DIS3: variants seen among roughly 807,000 people sequenced by gnomAD.
The protein encoded by DIS3 is DIS3 exosome endoribonuclease and 3'-5' exoribonuclease, also known as exosome complex exonuclease RRP44.
DIS3 carries 103 observed loss-of-function variants against 113.0 expected under a neutral mutation model. The observed-to-expected ratio is 0.91, with a 90% CI of 0.78 to 1.07. DIS3 has a LOEUF of 1.07. DIS3 is among the 50% of genes least tolerant of loss of function. DIS3 has a pLI of 0.00. For synonymous variants in DIS3, 402 were observed against 394.3 expected, an observed-to-expected ratio of 1.02 and a Z score of -0.23; for missense variants, 1,121 against 1,167.1, an observed-to-expected ratio of 0.96 and a Z score of 0.58.
rs540620528 is a variant in DIS3 at position 72,755,835 on chromosome 13, A to T, written c.*3960T>A. On this transcript the variant is annotated 3_prime_UTR_variant, in exon 21 of 21. Coordinates refer to ENST00000377767, the MANE Select transcript of DIS3 (RefSeq NM_014953.5). Reference sequence around the variant, plus strand: ...TAGTACTAGTGACATCATCACGTGTATTGTTATCTATGGGGCAAATGTGTG... The same window carrying T: ...TAGTACTAGTGACATCATCACGTGTTTTGTTATCTATGGGGCAAATGTGTG... 1.5e-5 allele frequency: 6 copies of T among 398,480 alleles called. No individual in the cohort carries two copies. In the South Asian group the frequency reaches 3.8e-4, roughly 25 times the overall value. The allele number at this position is 398,480 out of a possible 1,614,324, so 24.7% of individuals were successfully genotyped here. A position where few individuals can be genotyped will look rare whatever the true frequency, so the allele number is the denominator to read the frequency against.
rs1337060003 is a variant in DIS3 at position 72,759,850 on chromosome 13, G to C, written c.2822C>G (p.Thr941Ser). Residue 941 changes from threonine (T) to serine (S), a missense_variant, in exon 21 of 21, where the codon ACT becomes AGT. Coordinates refer to ENST00000377767, the MANE Select transcript of DIS3 (RefSeq NM_014953.5). ...QIPGISIPTD[T>S]SNMDLNGPKK... Reference sequence around the variant, plus strand: ...TGGTCCATTAAGGTCCATGTTTGAAGTATCAGTAGGAATGCTTATTCCTGG... The same window carrying C: ...TGGTCCATTAAGGTCCATGTTTGAACTATCAGTAGGAATGCTTATTCCTGG... The C allele has an allele frequency of 1.2e-6, 2 of 1,613,140 alleles. No individual in the cohort carries two copies. The highest frequency in any genetic ancestry group is 1.3e-5 in the African/African-American group (1 of 74,844).
At chr13:72,774,857 T>TCTAAAACATTTC (rs2033970539) in intron 6 of DIS3, among the ~76,000 whole-genome samples, 2 of 152,158 alleles carry the variant, frequency 1.3e-5, no homozygotes, top group Admixed American at 1.3e-4. Context: ...TAAAGCATTT[T>TCTAAAACATTTC]CTAAAACATT....
intron 20 of DIS3, 112 bp downstream of exon 20, chr13:72,760,417 C>A: frequency 1.5e-6 from 2 of 1,342,510 alleles, no homozygotes; most frequent in Non-Finnish European, 2.1e-6. Flanking sequence ...TTGGTTTCTA[C>A]ACTACTTACA....
chr13:72,753,822 G>C lies in DIS3; in HGVS notation c.*5973C>G, dbSNP rs745444058. 34 of 1,610,478 alleles carry C rather than the reference G, an allele frequency of 2.1e-5. No homozygotes were observed. The highest frequency in any genetic ancestry group is 2.5e-5 in the Non-Finnish European group (30 of 1,177,756). On this transcript the variant is annotated 3_prime_UTR_variant, in exon 21 of 21. Coordinates refer to ENST00000377767, the MANE Select transcript of DIS3 (RefSeq NM_014953.5). ...TAAATCTCAAGCATTTAATATGAAGGTACGGAGAAAATATAGTGAAAGCTT... is the reference window on the plus strand; with the variant it reads ...TAAATCTCAAGCATTTAATATGAAGCTACGGAGAAAATATAGTGAAAGCTT...
At chr13:72,776,122 C>T (rs769813788) in intron 4 of DIS3, 30 bp from the exon 5 acceptor site, 5 of 1,567,570 alleles carry the variant, frequency 3.2e-6, no homozygotes, top group Non-Finnish European at 4.3e-6. Flanking sequence ...AAAGATGCCG[C>T]TAATAAGTCT....
At position 72,762,048 on chromosome 13, in the gene DIS3, C is replaced by T. The variant is rs150519869; in HGVS notation, c.2217G>A (p.Leu739=). Residue 739 remains leucine, a synonymous_variant, in exon 17 of 21, where the codon CTG becomes CTA. Transcript: ENST00000377767. The part of the protein sequence containing the change: ...ESPTFPYLNT[L]LRILATRCMM... ...TACAGCGAGTGGCTAATATTCTCAA[C>T]AGAGTGTTTAGATATGGAAAAGTAG... The T allele has an allele frequency of 2.2e-5, 36 of 1,613,994 alleles. No individual in the cohort carries two copies. The highest frequency in any genetic ancestry group is 2.1e-5 in the Non-Finnish European group (25 of 1,180,038).
In DIS3 at chr13:72,763,483, A is replaced by G; in HGVS notation, c.2095T>C (p.Tyr699His). 1 of 1,613,270 alleles carries G rather than the reference A, an allele frequency of 6.2e-7. No individual in the cohort carries two copies. The highest frequency in any genetic ancestry group is 1.7e-4 in the Middle Eastern group (1 of 6,058). The stretch of plus-strand genomic sequence containing the variant: ...CTGGCTGCCTTAACAAGAATTTCAT[A>G]ATTTGATGGAGGTGGAGCAGGATGT... ...RKHPAPPPSN[Y>H]EILVKAARSR... The change falls in exon 16 of 21, where the codon TAT becomes CAT. Residue 699 changes from tyrosine to histidine, a missense_variant. Physicochemically the swap from Tyr to His is moderately conservative, Grantham distance 83 (BLOSUM62 2). This residue lies in a region of DIS3 where 861 missense variants were observed against 915.5 expected (regional missense o/e 0.94). Coordinates refer to ENST00000377767, the MANE Select transcript of DIS3 (RefSeq NM_014953.5).
Position 72,757,874 on chromosome 13 carries a change from C to G in DIS3, c.*1921G>C, listed in dbSNP as rs1203553938. 4.8e-6 allele frequency: 1 copy of G among 206,394 alleles called. No individual in the cohort carries two copies. Among genetic ancestry groups the G allele is most frequent in the African/African-American group, 2.3e-5 (1 of 43,794 alleles). The allele number at this position is 206,394 out of a possible 1,614,324, so 12.8% of individuals were successfully genotyped here. ...ATGATCCCGTAAGATTACAATGGAG[C>G]TGAAAAATTCCTATTGCCTGGGGAC... On this transcript the variant is annotated 3_prime_UTR_variant, in exon 21 of 21. Transcript: ENST00000377767.
In DIS3 at chr13:72,781,683, C is replaced by T. The variant is rs1045678713; in HGVS notation, c.150G>A (p.Pro50=). The T allele has an allele frequency of 1.3e-6, 2 of 1,553,032 alleles. No homozygotes were observed. The highest frequency in any genetic ancestry group is 8.7e-7 in the Non-Finnish European group (1 of 1,149,110). The change falls in exon 1 of 21, where the codon CCG becomes CCA. Residue 50 remains proline, a synonymous_variant. Transcript: ENST00000377767. ...GGAHEGPALE[P]QPQDPASSVC... Reference sequence around the variant, plus strand: ...CGCTGCTCGCCGGGTCCTGGGGCTGCGGCTCCAGGGCCGGCCCCTCGTGCG... The same window carrying T: ...CGCTGCTCGCCGGGTCCTGGGGCTGTGGCTCCAGGGCCGGCCCCTCGTGCG...
Position 72,764,106 on chromosome 13 carries a change from C to T in DIS3, c.1971-499G>A, listed in dbSNP as rs374445092. Among the ~76,000 whole-genome samples the T allele has an allele frequency of 1.6e-4, 25 of 152,138 alleles. No individual in the cohort carries two copies. In the East Asian group the frequency reaches 4.3e-3, roughly 26 times the overall value. On this transcript the variant is annotated intron_variant, in intron 15 of 20. Coordinates refer to ENST00000377767, the MANE Select transcript of DIS3 (RefSeq NM_014953.5). Reference sequence around the variant, plus strand: ...GGTGGAGGTTGCAGTGAGCCGAGATCGCATCACTGCACTCCAGGCTGGGTG... The same window carrying T: ...GGTGGAGGTTGCAGTGAGCCGAGATTGCATCACTGCACTCCAGGCTGGGTG...
intron 11 of DIS3, 52 bp downstream of exon 11, chr13:72,771,743 A>C: frequency 6.5e-7 from 1 of 1,544,114 alleles, no homozygotes; most frequent in Non-Finnish European, 8.8e-7. Context: ...ATGGCCGTTT[A>C]AGAATCCTTA....
At chr13:72,765,940 C>A in intron 15 of DIS3, 32 bp downstream of exon 15, 1 of 1,494,952 alleles carries the variant, frequency 6.7e-7, no homozygotes, top group Non-Finnish European at 9.1e-7. Context: ...ATAAAAAAAT[C>A]TTATCTAATG....
intron 14 of DIS3, 34 bp downstream of exon 14, chr13:72,768,751 A>G: frequency 1.3e-6 from 2 of 1,490,890 alleles, no homozygotes; most frequent in South Asian, 2.4e-5. Context: ...AAGAGTATAA[A>G]AATTATCTTA....
At position 72,778,304 on chromosome 13, in the gene DIS3, A is replaced by G; in HGVS notation, c.463T>C (p.Trp155Arg). ...ATTTTTTTCAAATGTTCATTGTACC[A>G]TTTTGCTGCTACTCGAATCGCTCTA... Reference protein sequence around the residue: ...NDRAIRVAAKWYNEHLKKMSA... With the variant: ...NDRAIRVAAKRYNEHLKKMSA... The change falls in exon 3 of 21, where the codon TGG (tryptophan) becomes CGG (arginine). Residue 155 changes from tryptophan to arginine, a missense_variant. This residue lies in a region of DIS3 where 254 missense variants were observed against 232.2 expected (regional missense o/e 1.09). Transcript: ENST00000377767. 6.2e-7 allele frequency: 1 copy of G among 1,605,420 alleles called. No individual in the cohort carries two copies. Among genetic ancestry groups the G allele is most frequent in the Non-Finnish European group, 8.5e-7 (1 of 1,173,636 alleles).
At chr13:72,773,498 T>C (rs554972666) in intron 8 of DIS3, among the ~76,000 whole-genome samples, 186 bp downstream of exon 8, 2 of 152,214 alleles carry the variant, frequency 1.3e-5, no homozygotes, top group South Asian at 4.1e-4. Flanking sequence ...ACCAAATGAT[T>C]TACACTGGAA....
chr13:72,776,173 T>C, intron 4 of DIS3, 81 bp from the exon 5 acceptor site: 1 of 1,372,024 alleles, frequency 7.3e-7, no homozygotes, highest in Non-Finnish European at 9.7e-7. Context: ...TATCAGAGAA[T>C]TTTTGAAATC....
chr13:72,761,872 A>C (rs759682186), intron 17 of DIS3, 51 bp downstream of exon 17: 53 of 1,611,954 alleles, frequency 3.3e-5, no homozygotes, highest in Non-Finnish European at 4.3e-5. Context: ...TGCTTTTAAA[A>C]TTCAAAATTA....
intron 7 of DIS3, 51 bp downstream of exon 7, chr13:72,773,895 C>T: frequency 5.0e-6 from 8 of 1,588,222 alleles, no homozygotes; most frequent in Non-Finnish European, 6.8e-6. Context: ...GCTATAAGTT[C>T]TATTAAATGT....
rs761233596 is a variant in DIS3 at position 72,772,286 on chromosome 13, T to G, written c.1387-11A>C. The stretch of plus-strand genomic sequence containing the variant: ...TCGGTTTTTCATGTCCTAGAAGACA[T>G]GAAATGATAAACAAATAAATTATTT... On this transcript the variant is annotated splice_polypyrimidine_tract_variant and intron_variant, in intron 9 of 20. Coordinates refer to ENST00000377767, the MANE Select transcript of DIS3 (RefSeq NM_014953.5). 1 of 1,573,174 alleles carries G rather than the reference T, an allele frequency of 6.4e-7. No individual in the cohort carries two copies. The highest frequency in any genetic ancestry group is 8.7e-7 in the Non-Finnish European group (1 of 1,153,362).
Sources: gnomAD v4.1 joint callset for allele counts (sites outside exome capture counted in the v4.1 genomes callset) on GRCh38, gnomAD v4.1.1 for gene constraint, gnomAD v4.1.1 regional missense constraint, MANE v1.5 for transcripts, NCBI Gene and HGNC (gene_info 2026-07-23, HGNC 2026-07-21) for gene names.